Variants in SOD2 observed in about 807,000 individuals in gnomAD.
SOD2 encodes the protein superoxide dismutase [Mn], mitochondrial.
In SOD2, 11 loss-of-function variants were observed where a neutral mutation model predicts 27.0. The ratio of observed to expected loss-of-function variants is 0.41; its 90% CI spans 0.26 to 0.67. The LOEUF (loss-of-function observed/expected upper bound fraction) is 0.67. Among genes scored for constraint, SOD2 ranks in the 30% least tolerant of loss-of-function variants. The probability of loss-of-function intolerance (pLI) is 0.34; values close to 1 mark genes in which losing one functional copy is unlikely to be tolerated. For missense variants in SOD2, 250 were observed against 274.5 expected (o/e 0.91, Z 0.63); for synonymous variants, 105 against 103.0 (o/e 1.02, Z -0.12).
At chr6:159,723,022 A>G (rs1778070707) in intron 1 of SOD2, among the ~76,000 whole-genome samples, 1 of 152,214 alleles carries the variant, frequency 6.6e-6, no homozygotes, top group South Asian at 2.1e-4. Context: ...GTTAGCTTCC[A>G]GCTTCCCCAT....
At position 159,673,033 on chromosome 6, in the gene SOD2, C is replaced by G. The variant is rs1320633932; in HGVS notation, c.*9460G>C. 1 of 152,134 alleles carries G rather than the reference C, an allele frequency of 6.6e-6. No homozygotes were observed. Among genetic ancestry groups the G allele is most frequent in the Non-Finnish European group, 1.5e-5 (1 of 68,020 alleles). 9.4% of individuals were successfully genotyped at this position (152,134 alleles called of 1,614,324 possible). The stretch of plus-strand genomic sequence containing the variant: ...TTACATGATAGTAAAGGGATCAATT[C>G]AACAAGAAGAGCTAACTATCTTAAA... On this transcript the variant is annotated 3_prime_UTR_variant, in exon 5 of 5. Coordinates refer to ENST00000538183, the MANE Select transcript of SOD2 (RefSeq NM_000636.4).
intron 1 of SOD2, chr6:159,713,068 G>A: frequency 1.5e-6 from 1 of 660,846 alleles, no homozygotes. Context: ...ATGAGGTTAA[G>A]AGGTGAATAG....
chr6:159,738,816 C>A (rs555479321), intron 1 of SOD2, among the ~76,000 whole-genome samples: 9 of 151,142 alleles, frequency 6.0e-5, no homozygotes, highest in Non-Finnish European at 1.0e-4. Context: ...TGTTAAGATA[C>A]CAAATAGTTT....
At chr6:159,703,658 T>C (rs1777566841) in intron 1 of SOD2, among the ~76,000 whole-genome samples, 1 of 152,178 alleles carries the variant, frequency 6.6e-6, no homozygotes, top group South Asian at 2.1e-4. Flanking sequence ...ACATGCCAAA[T>C]GTTTTCACTT....
At chr6:159,754,643 AT>A (rs1199306795) in intron 1 of SOD2, among the ~76,000 whole-genome samples, 1 of 152,184 alleles carries the variant, frequency 6.6e-6, no homozygotes, top group East Asian at 1.9e-4. Flanking sequence ...CCATCTCTAG[AT>A]TAACAGTACC....
rs1031889140 is a variant in SOD2 at position 159,673,123 on chromosome 6, G to T, written c.*9370C>A. 3 of 152,106 alleles carry T rather than the reference G, an allele frequency of 2.0e-5. No homozygotes were observed. Among genetic ancestry groups the T allele is most frequent in the Non-Finnish European group, 4.4e-5 (3 of 68,026 alleles). 9.4% of individuals were successfully genotyped at this position (152,106 alleles called of 1,614,324 possible). A position where few individuals can be genotyped will look rare whatever the true frequency, so the allele number is the denominator to read the frequency against. On this transcript the variant is annotated 3_prime_UTR_variant, in exon 5 of 5. Coordinates refer to ENST00000538183, the MANE Select transcript of SOD2 (RefSeq NM_000636.4). Reference sequence around the variant, plus strand: ...CCAAGTCCTTAGAGACCTACAAAGAGATTTAGACTCCCACACAATAACAAT... The same window carrying T: ...CCAAGTCCTTAGAGACCTACAAAGATATTTAGACTCCCACACAATAACAAT...
At chr6:159,740,519 AAAAT>A (rs1343977591) in intron 1 of SOD2, among the ~76,000 whole-genome samples, 2 of 152,122 alleles carry the variant, frequency 1.3e-5, no homozygotes, top group South Asian at 2.1e-4. Context: ...CTGTACTTCT[AAAAT>A]AAATCGTTCT....
chr6:159,688,081 T>C (rs1780275163), intron 3 of SOD2, 45 bp downstream of exon 3: 1 of 1,032,116 alleles, frequency 9.7e-7, no homozygotes, highest in Non-Finnish European at 1.5e-6. Flanking sequence ...AATCGATTCC[T>C]ACTGTGCACA....
At chr6:159,720,728 C>CTT (rs1778019454) in intron 1 of SOD2, among the ~76,000 whole-genome samples, 1 of 151,892 alleles carries the variant, frequency 6.6e-6, no homozygotes, top group African/African-American at 2.4e-5. Flanking sequence ...CATGACAACC[C>CTT]TTTCTCTTGT....
chr6:159,672,567 TG>T lies in SOD2; in HGVS notation c.*9925del. On this transcript the variant is annotated 3_prime_UTR_variant, in exon 5 of 5. Coordinates refer to ENST00000538183, the MANE Select transcript of SOD2 (RefSeq NM_000636.4). ...TGAGAGATTTTGTCACCACCAGGCC[TG>T]CCTTACAAGAGCTCCTGAAGGAAGC... 6.6e-6 allele frequency: 1 copy of T among 152,198 alleles called. No individual in the cohort carries two copies. The highest frequency in any genetic ancestry group is 1.9e-4 in the East Asian group (1 of 5,202). 9.4% of individuals were successfully genotyped at this position (152,198 alleles called of 1,614,324 possible).
intron 1 of SOD2, among the ~76,000 whole-genome samples, chr6:159,736,916 A>C (rs1288210517): frequency 6.6e-6 from 1 of 152,182 alleles, no homozygotes; most frequent in African/African-American, 2.4e-5. Context: ...AGCTTACTAA[A>C]CTTAATATTT....
At chr6:159,687,197 CT>C (rs1218982599) in intron 3 of SOD2, among the ~76,000 whole-genome samples, 2 of 152,162 alleles carry the variant, frequency 1.3e-5, no homozygotes, top group African/African-American at 4.8e-5. Context: ...GAAAGTTCAT[CT>C]TTTCTAGACT....
upstream of SOD2, among the ~76,000 whole-genome samples, chr6:159,728,653 T>C (rs139263609): frequency 2.0e-5 from 3 of 152,360 alleles, no homozygotes; most frequent in African/African-American, 4.8e-5. Flanking sequence ...AAAACCGTAA[T>C]TTAAAACTAT....
chr6:159,759,027 T>C lies in SOD2; in HGVS notation c.-336+2010A>G, dbSNP rs114105894. Reference sequence around the variant, plus strand: ...ACCCTGCTCACCAGTCCAGGTAGTTTATGATTTGAGATCTAGATGTAATTT... The same window carrying C: ...ACCCTGCTCACCAGTCCAGGTAGTTCATGATTTGAGATCTAGATGTAATTT... On this transcript the variant is annotated intron_variant, in intron 1 of 7. Transcript: ENST00000546087. Among the ~76,000 whole-genome samples, 313 of 152,224 alleles carry C rather than the reference T, an allele frequency of 2.1e-3. 2 individuals carry two copies. Among genetic ancestry groups the C allele is most frequent in the African/African-American group, 7.4e-3 (307 of 41,552 alleles).
intron 1 of SOD2, among the ~76,000 whole-genome samples, chr6:159,740,766 C>T (rs902995984): frequency 4.7e-5 from 7 of 149,568 alleles, no homozygotes; most frequent in Non-Finnish European, 8.9e-5. Flanking sequence ...TGCAGTTGCG[C>T]GATCTCGGCT....
upstream of SOD2, chr6:159,727,425 G>A: frequency 1.7e-6 from 2 of 1,163,734 alleles, no homozygotes; most frequent in Non-Finnish European, 2.2e-6. Context: ...GGCCTGCGGC[G>A]CGTTCGGACC....
chr6:159,718,183 G>A (rs1777959817), intron 1 of SOD2, among the ~76,000 whole-genome samples: 1 of 151,644 alleles, frequency 6.6e-6, no homozygotes, highest in Non-Finnish European at 1.5e-5. Flanking sequence ...GTAGAGGTGG[G>A]GTCTCACTTT....
At position 159,732,886 on chromosome 6, in the gene SOD2, A is replaced by ATAGTGTGTGTGT. The variant is rs146623701; in HGVS notation, c.-116+12243_-116+12244insACACACACACTA. ...TCTCTCTCTCTCTGTATATATATAT[A>ATAGTGTGTGTGT]GTGTGTGTGTGTGTGTGTGTGTGTG... On this transcript the variant is annotated intron_variant, in intron 1 of 3. Coordinates refer to the SOD2 transcript ENST00000537657. 2.1e-3 allele frequency among the ~76,000 whole-genome samples: 309 copies of ATAGTGTGTGTGT among 146,476 alleles called. 3 individuals carry two copies. Among genetic ancestry groups the ATAGTGTGTGTGT allele is most frequent in the African/African-American group, 7.4e-3 (284 of 38,388 alleles).
At chr6:159,719,399 G>T (rs1439234019) in intron 1 of SOD2, among the ~76,000 whole-genome samples, 1 of 152,076 alleles carries the variant, frequency 6.6e-6, no homozygotes, top group Non-Finnish European at 1.5e-5. Context: ...ACGGTGGCAT[G>T]TGCCTGTAAT....
Sources: allele counts gnomAD v4.1 joint callset (sites outside exome capture counted in the v4.1 genomes callset), GRCh38; gene constraint gnomAD v4.1.1; transcripts MANE v1.5; gene names NCBI Gene and HGNC (gene_info 2026-07-23, HGNC 2026-07-21).